The following GABRB2 variants were observed in gnomAD, a reference collection of about 807,000 sequenced individuals.
The protein encoded by GABRB2 is gamma-aminobutyric acid type A receptor subunit beta2, also known as gamma-aminobutyric acid receptor subunit beta-2.
Under a neutral mutation model 54.7 loss-of-function variants are expected in GABRB2, and 16 were observed. The observed-to-expected ratio is 0.29, with a 90% CI of 0.20 to 0.44. The LOEUF is 0.44. GABRB2 is among the 20% of genes least tolerant of loss of function. GABRB2 has a pLI of 1.00. For missense variants in GABRB2, 355 were observed against 644.0 expected, an observed-to-expected ratio of 0.55 and a Z score of 4.86; for synonymous variants, 244 against 233.8, an observed-to-expected ratio of 1.04 and a Z score of -0.40.
At chr5:161,367,806 C>A (rs1214569401) in intron 5 of GABRB2, among the ~76,000 whole-genome samples, 1 of 152,134 alleles carries the variant, frequency 6.6e-6, no homozygotes, top group East Asian at 1.9e-4. Flanking sequence ...CTAAGTTTAG[C>A]TTCAAAATAC....
intron 7 of GABRB2, 105 bp downstream of exon 7, chr5:161,334,647 G>T: frequency 8.6e-7 from 1 of 1,160,692 alleles, no homozygotes; most frequent in Non-Finnish European, 1.2e-6. Context: ...GAGAGGTTCA[G>T]TTGCGTCATG....
At chr5:161,459,875 G>C in intron 3 of GABRB2, 31 bp from the exon 4 acceptor site, 3 of 1,353,508 alleles carry the variant, frequency 2.2e-6, no homozygotes, top group Non-Finnish European at 3.2e-6. Flanking sequence ...AACATGGTTA[G>C]TTTACACCCA....
At chr5:161,444,564 A>C (rs1485851323) in intron 4 of GABRB2, among the ~76,000 whole-genome samples, 1 of 152,150 alleles carries the variant, frequency 6.6e-6, no homozygotes, top group Non-Finnish European at 1.5e-5. Context: ...TGCCATGCCA[A>C]TGGAAATTTT....
intron 3 of GABRB2, among the ~76,000 whole-genome samples, chr5:161,506,160 A>G (rs188811879): frequency 7.3e-4 from 111 of 152,270 alleles, no homozygotes; most frequent in African/African-American, 2.6e-3. Flanking sequence ...ATAAATTCTC[A>G]TAAACTTTAT....
At chr5:161,509,619 T>C (rs1759705293) in intron 3 of GABRB2, among the ~76,000 whole-genome samples, 1 of 152,030 alleles carries the variant, frequency 6.6e-6, no homozygotes, top group South Asian at 2.1e-4. Flanking sequence ...CTTTTGACTC[T>C]GTCTCCTAAA....
At chr5:161,490,477 A>C (rs918570852) in intron 3 of GABRB2, among the ~76,000 whole-genome samples, 2 of 151,628 alleles carry the variant, frequency 1.3e-5, no homozygotes, top group African/African-American at 4.8e-5. Context: ...TAAGGATGAA[A>C]AACTCTGCCA....
upstream of GABRB2, chr5:161,546,757 A>G: frequency 6.6e-7 from 1 of 1,512,828 alleles, no homozygotes; most frequent in Non-Finnish European, 8.8e-7. Flanking sequence ...CCAAAACATC[A>G]AAGGGGAAGC....
chr5:161,470,038 A>G lies in GABRB2; in HGVS notation c.238-10194T>C, dbSNP rs4348252. Reference sequence around the variant, plus strand: ...TCTTTTGCTTGAATTAAACTTTTCTATCTCTCTTGATACATCTTTTCTTTC... The same window carrying G: ...TCTTTTGCTTGAATTAAACTTTTCTGTCTCTCTTGATACATCTTTTCTTTC... On this transcript the variant is annotated intron_variant, in intron 3 of 9. Transcript: ENST00000393959. 2.1e-3 allele frequency among the ~76,000 whole-genome samples: 318 copies of G among 151,014 alleles called. 3 individuals are homozygous for G. The highest frequency in any genetic ancestry group is 7.2e-3 in the African/African-American group (296 of 41,124).
intron 3 of GABRB2, among the ~76,000 whole-genome samples, chr5:161,474,161 G>T (rs71605496): frequency 2.0e-5 from 3 of 152,040 alleles, no homozygotes; most frequent in Admixed American, 6.6e-5. Flanking sequence ...TATTTTTGGC[G>T]TACTGGCTTT....
chr5:161,421,874 A>G (rs926773114), intron 4 of GABRB2, among the ~76,000 whole-genome samples: 1 of 152,204 alleles, frequency 6.6e-6, no homozygotes, highest in Non-Finnish European at 1.5e-5. Flanking sequence ...AATAAAATAA[A>G]TATTTCTTTT....
intron 3 of GABRB2, among the ~76,000 whole-genome samples, chr5:161,527,634 T>C (rs193002465): frequency 2.0e-4 from 30 of 151,282 alleles, no homozygotes; most frequent in Admixed American, 1.3e-3. Flanking sequence ...AAGAAAAAAA[T>C]GAATTGTCCA....
At chr5:161,479,229 ACTCT>A (rs1288601210) in intron 3 of GABRB2, among the ~76,000 whole-genome samples, 3 of 152,020 alleles carry the variant, frequency 2.0e-5, no homozygotes, top group Non-Finnish European at 4.4e-5. Flanking sequence ...TTTATCACTC[ACTCT>A]GTCTACATCA....
At chr5:161,519,165 G>A (rs190938562) in intron 3 of GABRB2, among the ~76,000 whole-genome samples, 1 of 152,242 alleles carries the variant, frequency 6.6e-6, no homozygotes, top group East Asian at 1.9e-4. Context: ...AGATGAATAG[G>A]CAGGTCACAG....
intron 3 of GABRB2, among the ~76,000 whole-genome samples, chr5:161,516,102 C>T (rs1028050392): frequency 4.6e-5 from 7 of 152,314 alleles, no homozygotes; most frequent in African/African-American, 1.4e-4. Flanking sequence ...CTTTATCTCT[C>T]ACCTTTATTT....
intron 5 of GABRB2, among the ~76,000 whole-genome samples, chr5:161,407,426 A>T (rs879865212): frequency 6.6e-6 from 1 of 151,962 alleles, no homozygotes; most frequent in African/African-American, 2.4e-5. Context: ...ATTTTTTTTT[A>T]AAGAGAGAAA....
At chr5:161,408,299 G>A (rs1580960238) in intron 5 of GABRB2, among the ~76,000 whole-genome samples, 1 of 151,978 alleles carries the variant, frequency 6.6e-6, no homozygotes, top group Admixed American at 6.6e-5. Context: ...TCTAAAATCT[G>A]AAACAATCTG....
intron 9 of GABRB2, among the ~76,000 whole-genome samples, chr5:161,314,400 G>A (rs1429687503): frequency 6.6e-6 from 1 of 152,148 alleles, no homozygotes; most frequent in East Asian, 1.9e-4. Flanking sequence ...GTTTATTGCT[G>A]AGGGAGATTT....
At chr5:161,533,872 T>C (rs1156832146) in intron 3 of GABRB2, among the ~76,000 whole-genome samples, 1 of 152,068 alleles carries the variant, frequency 6.6e-6, no homozygotes, top group Non-Finnish European at 1.5e-5. Flanking sequence ...TAATACTCTA[T>C]AAAATAAGTG....
intron 3 of GABRB2, among the ~76,000 whole-genome samples, chr5:161,461,836 G>A (rs1352730795): frequency 6.6e-6 from 1 of 152,160 alleles, no homozygotes; most frequent in Non-Finnish European, 1.5e-5. Context: ...TATATGTCCA[G>A]TAAGCTATGC....
Sources: gnomAD v4.1 joint callset for allele counts (sites outside exome capture counted in the v4.1 genomes callset) on GRCh38, gnomAD v4.1.1 for gene constraint, MANE v1.5 for transcripts, NCBI Gene and HGNC (gene_info 2026-07-23, HGNC 2026-07-21) for gene names.